Variants in BTBD9 observed in about 807,000 individuals in gnomAD.
BTBD9 encodes BTB/POZ domain-containing protein 9.
In BTBD9, 49 loss-of-function variants were observed where a neutral mutation model predicts 64.3. The ratio of observed to expected loss-of-function variants is 0.76; its 90% CI spans 0.61 to 0.97. The LOEUF (loss-of-function observed/expected upper bound fraction) is 0.97, where lower values mean the gene tolerates loss of function less well. Ranked by LOEUF, BTBD9 falls within the 50% of genes least tolerant of loss-of-function variation. The pLI is 0.00. For synonymous variants in BTBD9, 260 were observed against 274.7 expected, an observed-to-expected ratio of 0.95 and a Z score of 0.53; for missense variants, 598 against 762.1, an observed-to-expected ratio of 0.78 and a Z score of 2.53.
At chr6:38,430,513 GAA>G (rs1015437526) in intron 6 of BTBD9, among the ~76,000 whole-genome samples, 10 of 138,952 alleles carry the variant, frequency 7.2e-5, no homozygotes, top group African/African-American at 2.7e-4. Flanking sequence ...CACCGCAGCT[GAA>G]AAAAAAAAAT....
intron 8 of BTBD9, among the ~76,000 whole-genome samples, chr6:38,286,992 G>C (rs1761753508): frequency 6.8e-6 from 1 of 147,444 alleles, no homozygotes; most frequent in African/African-American, 2.5e-5. Flanking sequence ...TGAGGCAAGA[G>C]AATGGCTTGA....
chr6:38,267,935 G>A (rs550326161), intron 8 of BTBD9, among the ~76,000 whole-genome samples: 8 of 152,156 alleles, frequency 5.3e-5, no homozygotes, highest in East Asian at 3.9e-4. Flanking sequence ...GCGAGACTCC[G>A]TCTCAAAAAA....
At chr6:38,178,563 G>A (rs1761387821) in intron 10 of BTBD9, among the ~76,000 whole-genome samples, 1 of 152,180 alleles carries the variant, frequency 6.6e-6, no homozygotes, top group Admixed American at 6.5e-5. Context: ...CAGCCAGGCA[G>A]GCGGTCAGGG....
chr6:38,450,197 G>A (rs533047866), intron 6 of BTBD9, among the ~76,000 whole-genome samples: 2 of 152,294 alleles, frequency 1.3e-5, no homozygotes, highest in South Asian at 4.1e-4. Context: ...ACTCATATGT[G>A]GAATCTAAAA....
intron 6 of BTBD9, among the ~76,000 whole-genome samples, chr6:38,366,142 T>C (rs541989206): frequency 6.6e-6 from 1 of 152,336 alleles, no homozygotes; most frequent in African/African-American, 2.4e-5. Context: ...GCTTCATAAG[T>C]ATATAGGTTT....
At chr6:38,563,226 G>C (rs1307945846) in intron 6 of BTBD9, among the ~76,000 whole-genome samples, 1 of 152,018 alleles carries the variant, frequency 6.6e-6, no homozygotes, top group Non-Finnish European at 1.5e-5. Context: ...TGGCTCCTAT[G>C]GTTTCAAATA....
At chr6:38,255,104 C>T (rs943640475) in intron 9 of BTBD9, among the ~76,000 whole-genome samples, 1 of 152,144 alleles carries the variant, frequency 6.6e-6, no homozygotes, top group Non-Finnish European at 1.5e-5. Flanking sequence ...CAGATATATG[C>T]TACAACACGG....
chr6:38,467,311 G>C (rs1041542359), intron 6 of BTBD9, among the ~76,000 whole-genome samples: 2 of 152,170 alleles, frequency 1.3e-5, no homozygotes, highest in Non-Finnish European at 2.9e-5. Context: ...ACAGCTAAGA[G>C]AGGATGTCTG....
At chr6:38,375,248 C>T (rs544589765) in intron 6 of BTBD9, among the ~76,000 whole-genome samples, 95 of 152,310 alleles carry the variant, frequency 6.2e-4, no homozygotes, top group Non-Finnish European at 1.0e-3. Context: ...AAGTCATGCT[C>T]AAGGTTTATT....
chr6:38,554,910 G>T (rs1430807137), intron 6 of BTBD9, among the ~76,000 whole-genome samples: 1 of 152,162 alleles, frequency 6.6e-6, no homozygotes, highest in African/African-American at 2.4e-5. Context: ...TTACAAACAC[G>T]TTTTCCTTTT....
At chr6:38,271,988 A>AAGCAGC (rs1194796709) in intron 8 of BTBD9, among the ~76,000 whole-genome samples, 1 of 151,428 alleles carries the variant, frequency 6.6e-6, no homozygotes, top group South Asian at 2.1e-4. Flanking sequence ...GGAGGGGGGG[A>AAGCAGC]AGCAGCAGCA....
At chr6:38,480,783 T>A (rs1490891802) in intron 6 of BTBD9, among the ~76,000 whole-genome samples, 1 of 152,114 alleles carries the variant, frequency 6.6e-6, no homozygotes, top group Non-Finnish European at 1.5e-5. Flanking sequence ...ATGATTCCAG[T>A]GCCAGTTTTA....
chr6:38,602,959 C>T (rs1261752556), intron 1 of BTBD9, among the ~76,000 whole-genome samples: 1 of 152,108 alleles, frequency 6.6e-6, no homozygotes, highest in Non-Finnish European at 1.5e-5. Context: ...AGATCTTCAC[C>T]TAAGAGAGTT....
chr6:38,408,122 C>T (rs1244768775), intron 6 of BTBD9, among the ~76,000 whole-genome samples: 2 of 152,002 alleles, frequency 1.3e-5, no homozygotes, highest in South Asian at 2.1e-4. Context: ...TTTGAGAGGC[C>T]GAGGCAAGAG....
At chr6:38,462,711 T>C (rs373878990) in intron 6 of BTBD9, among the ~76,000 whole-genome samples, 2 of 152,242 alleles carry the variant, frequency 1.3e-5, no homozygotes, top group African/African-American at 4.8e-5. Flanking sequence ...AATCTATGGA[T>C]AAATATGGGG....
At chr6:38,347,860 G>C (rs568733512) in intron 6 of BTBD9, among the ~76,000 whole-genome samples, 9 of 152,250 alleles carry the variant, frequency 5.9e-5, no homozygotes, top group African/African-American at 2.2e-4. Context: ...AGCCAGGCTT[G>C]GTGGCACGTG....
At chr6:38,555,975 G>C (rs1774994192) in intron 6 of BTBD9, among the ~76,000 whole-genome samples, 1 of 152,200 alleles carries the variant, frequency 6.6e-6, no homozygotes, top group South Asian at 2.1e-4. Flanking sequence ...AGGGATGAAT[G>C]TTTGAGTGGG....
intron 6 of BTBD9, among the ~76,000 whole-genome samples, chr6:38,527,033 C>T (rs963658222): frequency 2.0e-5 from 3 of 151,786 alleles, no homozygotes; most frequent in South Asian, 2.1e-4. Flanking sequence ...CTTAGCACTT[C>T]GGGAGGCCAG....
chr6:38,485,825 T>C (rs1359704032), intron 6 of BTBD9, among the ~76,000 whole-genome samples: 1 of 152,188 alleles, frequency 6.6e-6, no homozygotes, highest in Non-Finnish European at 1.5e-5. Flanking sequence ...GAAATGTCCT[T>C]TGAAGCTTTA....
Sources: gnomAD v4.1 joint callset for allele counts (sites outside exome capture counted in the v4.1 genomes callset) on GRCh38, gnomAD v4.1.1 for gene constraint, MANE v1.5 for transcripts, NCBI Gene and HGNC (gene_info 2026-07-23, HGNC 2026-07-21) for gene names.